Variants in SPAST observed in about 807,000 individuals in gnomAD.
SPAST encodes the protein spastin, also known as spastic paraplegia 4 (autosomal dominant; spastin).
Under a neutral mutation model 76.6 loss-of-function variants are expected in SPAST, and 30 were observed. The observed-to-expected ratio is 0.39, with a 90% CI of 0.29 to 0.53. SPAST has a LOEUF of 0.53. Ranked by LOEUF, SPAST falls within the 20% of genes least tolerant of loss-of-function variation. SPAST has a pLI of 0.68. For synonymous variants in SPAST, 305 were observed against 281.0 expected (o/e 1.09, Z -0.86); for missense variants, 717 against 770.5 (o/e 0.93, Z 0.82).
chr2:32,147,195 T>C (rs750867781), intron 15 of SPAST, 23 bp from the exon 16 acceptor site: 5 of 1,590,866 alleles, frequency 3.1e-6, no homozygotes, highest in Non-Finnish European at 4.3e-6. Flanking sequence ...TATTTTTAAG[T>C]GCCTGACTTT....
rs1446156654 is a variant in SPAST at position 32,107,555 on chromosome 2, A to G, written c.683-7083A>G. On this transcript the variant is annotated intron_variant, in intron 4 of 16. Coordinates refer to ENST00000315285, the MANE Select transcript of SPAST (RefSeq NM_014946.4). ...GTCATGAGCCACTGTGCCTAGCCAA[A>G]TATCCAAAACTTTTTGAGCGCTGAC... 2.6e-5 allele frequency among the ~76,000 whole-genome samples: 4 copies of G among 152,170 alleles called. No individual in the cohort carries two copies. In the East Asian group the frequency reaches 7.7e-4, roughly 29 times the overall value.
chr2:32,143,483 T>G (rs1162817739), intron 14 of SPAST, 68 bp downstream of exon 14: 1 of 944,746 alleles, frequency 1.1e-6, no homozygotes, highest in Non-Finnish European at 1.7e-6. Flanking sequence ...CTTTTTTTAG[T>G]TATTTAAAGT....
chr2:32,083,750 C>G (rs1284703344), intron 1 of SPAST, among the ~76,000 whole-genome samples: 12 of 62,848 alleles, frequency 1.9e-4, no homozygotes, highest in Admixed American at 4.7e-4. Flanking sequence ...TTTATATATA[C>G]TATATATATA....
rs530659763 is a variant in SPAST at position 32,147,724 on chromosome 2, CG to C, written c.1728+469del. ...TCAGCTCACTGCAAGCTCTGCCTCC[CG>C]GGTTCACGCCATTCTCCTGCCTCAG... On this transcript the variant is annotated intron_variant, in intron 16 of 16. Coordinates refer to ENST00000315285, the MANE Select transcript of SPAST (RefSeq NM_014946.4). 4.1e-3 allele frequency among the ~76,000 whole-genome samples: 612 copies of C among 151,056 alleles called. 2 individuals are homozygous for C. Among genetic ancestry groups the C allele is most frequent in the African/African-American group, 0.014 (587 of 41,118 alleles).
intron 4 of SPAST, among the ~76,000 whole-genome samples, chr2:32,110,369 C>T (rs1189784260): frequency 4.7e-5 from 7 of 149,248 alleles, no homozygotes; most frequent in African/African-American, 1.2e-4. Context: ...CCACCCGCCT[C>T]GGCCTCCCAA....
intron 1 of SPAST, among the ~76,000 whole-genome samples, chr2:32,065,614 C>T (rs1269635446): frequency 1.3e-5 from 2 of 152,138 alleles, no homozygotes; most frequent in African/African-American, 4.8e-5. Flanking sequence ...CCCTTTTATC[C>T]TTACTTCCAG....
chr2:32,085,308 T>C (rs946754893), intron 1 of SPAST, among the ~76,000 whole-genome samples: 1 of 150,710 alleles, frequency 6.6e-6, no homozygotes, highest in Non-Finnish European at 1.5e-5. Context: ...CTTCTACCTC[T>C]TCAGCTCAAG....
intron 9 of SPAST, among the ~76,000 whole-genome samples, chr2:32,130,808 G>A (rs576696122): frequency 1.4e-4 from 21 of 152,008 alleles, no homozygotes; most frequent in African/African-American, 4.6e-4. Flanking sequence ...GAGGCTCAAA[G>A]GATAATTTTA....
chr2:32,153,385 C>G (rs189458026), intron 16 of SPAST, among the ~76,000 whole-genome samples: 64 of 142,864 alleles, frequency 4.5e-4, no homozygotes, highest in African/African-American at 1.7e-3. Flanking sequence ...TGCAATGGCA[C>G]GATCTCGGCT....
chr2:32,115,852 A>T lies in SPAST; in HGVS notation c.1004+17A>T, dbSNP rs754503770. 1 of 1,591,386 alleles carries T rather than the reference A, an allele frequency of 6.3e-7. No individual in the cohort carries two copies. Among genetic ancestry groups the T allele is most frequent in the Non-Finnish European group, 8.6e-7 (1 of 1,162,994 alleles). ...TGTGGACAAGTAAGTTTTGCCATCTAAATGTTTTATTTTATAGTTTTTATA... is the reference window on the plus strand; with the variant it reads ...TGTGGACAAGTAAGTTTTGCCATCTTAATGTTTTATTTTATAGTTTTTATA... On this transcript the variant is annotated intron_variant, in intron 6 of 16. Transcript: ENST00000315285.
At chr2:32,123,281 C>T (rs765346248) in intron 7 of SPAST, among the ~76,000 whole-genome samples, 17 of 151,904 alleles carry the variant, frequency 1.1e-4, no homozygotes, top group Non-Finnish European at 5.9e-5. Flanking sequence ...AACACAATAC[C>T]TTTCATATTA....
intron 6 of SPAST, 128 bp from the exon 7 acceptor site, chr2:32,115,991 C>A: frequency 3.2e-6 from 3 of 946,942 alleles, no homozygotes; most frequent in Non-Finnish European, 4.9e-6. Context: ...AAAACCATTG[C>A]TTTACTGATT....
At position 32,063,921 on chromosome 2, in the gene SPAST, C is replaced by T; in HGVS notation, c.90C>T (p.Ala30=). 1 of 1,590,286 alleles carries T rather than the reference C, an allele frequency of 6.3e-7. No individual in the cohort carries two copies. Among genetic ancestry groups the T allele is most frequent in the Non-Finnish European group, 8.6e-7 (1 of 1,168,874 alleles). The change falls in exon 1 of 17, where the codon GCC becomes GCT. Residue 30 remains alanine (A), a synonymous_variant. Coordinates refer to ENST00000315285, the MANE Select transcript of SPAST (RefSeq NM_014946.4). ...CCAGGCCTCCGCCCCCTTGCCTGGC[C>T]CCCGCCCCTCCCGCCGCCGGGCCGG... The part of the protein sequence containing the change: ...VPPRPPPPCL[A]PAPPAAGPAP...
At chr2:32,152,206 A>G (rs1402372889) in intron 16 of SPAST, among the ~76,000 whole-genome samples, 4 of 152,210 alleles carry the variant, frequency 2.6e-5, no homozygotes, top group East Asian at 1.9e-4. Flanking sequence ...AAAATATCAT[A>G]TAAGTTTCAT....
At chr2:32,084,573 T>C (rs1315154709) in intron 1 of SPAST, among the ~76,000 whole-genome samples, 1 of 151,900 alleles carries the variant, frequency 6.6e-6, no homozygotes, top group Non-Finnish European at 1.5e-5. Flanking sequence ...GGAAACAACC[T>C]CAATATCTTA....
rs1273553598 is a variant in SPAST at position 32,098,670 on chromosome 2, CT to C, written c.587-121del. 1.9e-5 allele frequency: 12 copies of C among 622,274 alleles called. No homozygotes were observed. In the African/African-American group the frequency reaches 2.0e-4, roughly 11 times the overall value. The allele number at this position is 622,274 out of a possible 1,614,324, so 38.5% of individuals were successfully genotyped here. ...AGATAATTTTATATAAATGCAAAAA[CT>C]TTTTATCATGTAACAATCTGGTAAC... On this transcript the variant is annotated intron_variant, in intron 3 of 16. Coordinates refer to ENST00000315285, the MANE Select transcript of SPAST (RefSeq NM_014946.4).
At chr2:32,070,068 ATTTTTTT>A (rs397869082) in intron 1 of SPAST, among the ~76,000 whole-genome samples, 4 of 50,920 alleles carry the variant, frequency 7.9e-5, no homozygotes, top group Non-Finnish European at 1.6e-4. Flanking sequence ...AAAAAAAAAA[ATTTTTTT>A]TTTTTTTTGT....
intron 1 of SPAST, among the ~76,000 whole-genome samples, chr2:32,076,048 G>A (rs545192108): frequency 2.0e-5 from 3 of 151,300 alleles, no homozygotes; most frequent in African/African-American, 7.3e-5. Flanking sequence ...TTACAGGTAC[G>A]CGCCACCACG....
intron 1 of SPAST, among the ~76,000 whole-genome samples, chr2:32,071,632 G>T (rs969969163): frequency 6.6e-6 from 1 of 152,156 alleles, no homozygotes; most frequent in East Asian, 1.9e-4. Context: ...ATGTACATTG[G>T]TTCCATCTGG....
Sources: allele counts gnomAD v4.1 joint callset (sites outside exome capture counted in the v4.1 genomes callset), GRCh38; gene constraint gnomAD v4.1.1; transcripts MANE v1.5; gene names NCBI Gene and HGNC (gene_info 2026-07-23, HGNC 2026-07-21).